The following GAS2 variants were observed in gnomAD, a reference collection of about 807,000 sequenced individuals.
GAS2 encodes growth arrest specific 2.
A neutral mutation model predicts 37.5 loss-of-function variants in GAS2; 20 were observed. That is an observed-to-expected ratio of 0.53 (90% CI 0.37 to 0.77). The LOEUF (loss-of-function observed/expected upper bound fraction) is 0.77. Ranked by LOEUF, GAS2 falls within the 30% of genes least tolerant of loss-of-function variation. GAS2 has a pLI of 0.00. For missense variants in GAS2, 336 were observed against 373.4 expected (o/e 0.90, Z 0.82); for synonymous variants, 144 against 132.2 (o/e 1.09, Z -0.61).
At position 22,695,312 on chromosome 11, in the gene GAS2, TC is replaced by T. The variant is rs560935823; in HGVS notation, c.267+9525del. Among the ~76,000 whole-genome samples the T allele has an allele frequency of 1.6e-3, 235 of 148,084 alleles. 1 individual carries two copies. Among genetic ancestry groups the T allele is most frequent in the African/African-American group, 5.8e-3 (231 of 39,706 alleles). ...TCCAGCCTGGGTGACAGAGTGAGAC[TC>T]CTTCTCAAAAAGAAAAAAAAAAGAC... On this transcript the variant is annotated intron_variant, in intron 3 of 7. Transcript: ENST00000454584.
At chr11:22,660,922 A>G (rs900767053) in intron 1 of GAS2, among the ~76,000 whole-genome samples, 13 of 152,248 alleles carry the variant, frequency 8.5e-5, no homozygotes, top group African/African-American at 2.9e-4. Context: ...AAATGCTTTA[A>G]TGAGATCATT....
chr11:22,801,048 T>G (rs1338835848), intron 7 of GAS2, among the ~76,000 whole-genome samples: 1 of 152,104 alleles, frequency 6.6e-6, no homozygotes, highest in East Asian at 1.9e-4. Context: ...ACCTTTTCAA[T>G]GAAAAGCGAG....
intron 1 of GAS2, among the ~76,000 whole-genome samples, chr11:22,635,591 C>T (rs1858811040): frequency 6.6e-6 from 1 of 152,230 alleles, no homozygotes; most frequent in South Asian, 2.1e-4. Context: ...GGCCTGCAGA[C>T]CTGGAGTGCC....
intron 3 of GAS2, among the ~76,000 whole-genome samples, chr11:22,696,775 C>A (rs1328708888): frequency 1.3e-5 from 2 of 151,938 alleles, no homozygotes; most frequent in African/African-American, 4.8e-5. Flanking sequence ...CCTTCACCCA[C>A]TTTTTGATGG....
At chr11:22,801,307 A>G (rs1856651095) in intron 7 of GAS2, among the ~76,000 whole-genome samples, 1 of 152,046 alleles carries the variant, frequency 6.6e-6, no homozygotes, top group Non-Finnish European at 1.5e-5. Flanking sequence ...CTGCTGACTG[A>G]TCATTTCTAC....
At chr11:22,766,096 T>TC (rs1179183098) in intron 7 of GAS2, among the ~76,000 whole-genome samples, 1 of 152,070 alleles carries the variant, frequency 6.6e-6, no homozygotes, top group Non-Finnish European at 1.5e-5. Flanking sequence ...TCCAAACACC[T>TC]CCCACCATGC....
At chr11:22,779,163 C>CA (rs1163406858) in intron 7 of GAS2, among the ~76,000 whole-genome samples, 2 of 151,620 alleles carry the variant, frequency 1.3e-5, no homozygotes, top group Non-Finnish European at 2.9e-5. Context: ...TCTCCACCCA[C>CA]AAAAAAATTC....
chr11:22,629,565 G>C (rs1858716613), intron 1 of GAS2, among the ~76,000 whole-genome samples: 1 of 152,154 alleles, frequency 6.6e-6, no homozygotes, highest in Admixed American at 6.5e-5. Context: ...TAGGGATGTT[G>C]AGTATTTTTT....
intron 3 of GAS2, among the ~76,000 whole-genome samples, chr11:22,712,058 CTT>C (rs1291499828): frequency 6.6e-6 from 1 of 152,172 alleles, no homozygotes; most frequent in East Asian, 1.9e-4. Flanking sequence ...CTTTCACTCT[CTT>C]TAAAGCACCA....
chr11:22,646,100 C>A (rs746027938), intron 1 of GAS2, among the ~76,000 whole-genome samples: 1 of 152,058 alleles, frequency 6.6e-6, no homozygotes, highest in Non-Finnish European at 1.5e-5. Context: ...GTCTCGGCCT[C>A]CTGAAGTGCT....
At chr11:22,680,062 G>C (rs902137524) in intron 2 of GAS2, among the ~76,000 whole-genome samples, 3 of 151,844 alleles carry the variant, frequency 2.0e-5, no homozygotes, top group Non-Finnish European at 4.4e-5. Flanking sequence ...TATTTATTAG[G>C]GTTGCTGCTG....
intron 7 of GAS2, among the ~76,000 whole-genome samples, chr11:22,788,805 A>G (rs1203862979): frequency 6.6e-6 from 1 of 152,124 alleles, no homozygotes; most frequent in Non-Finnish European, 1.5e-5. Flanking sequence ...ATAATTTACT[A>G]TCTCTATTAA....
intron 7 of GAS2, among the ~76,000 whole-genome samples, chr11:22,773,003 T>A (rs12283214): frequency 0.037 from 5,696 of 152,130 alleles, 341 homozygotes; most frequent in African/African-American, 0.13. Flanking sequence ...CTTTCTAGGG[T>A]CATCTCTCCT....
chr11:22,691,114 AG>A (rs908936601), intron 3 of GAS2, among the ~76,000 whole-genome samples: 2 of 150,614 alleles, frequency 1.3e-5, no homozygotes, highest in East Asian at 1.9e-4. Context: ...CAGATGAAGG[AG>A]GGGGCGGGGG....
chr11:22,626,860 T>C (rs993333803), intron 1 of GAS2: 11 of 152,256 alleles, frequency 7.2e-5, no homozygotes, highest in Non-Finnish European at 1.6e-4. Context: ...CTACACCTTT[T>C]AGAAAGTAAA....
At chr11:22,792,955 T>C (rs1856241544) in intron 7 of GAS2, among the ~76,000 whole-genome samples, 1 of 152,108 alleles carries the variant, frequency 6.6e-6, no homozygotes. Context: ...AAAGATGATA[T>C]GTATGGAAGA....
intron 7 of GAS2, among the ~76,000 whole-genome samples, chr11:22,804,604 G>T (rs1429096194): frequency 6.6e-6 from 1 of 152,094 alleles, no homozygotes; most frequent in Non-Finnish European, 1.5e-5. Flanking sequence ...TAAGGAGAAA[G>T]TATGAAAGTA....
At chr11:22,745,956 C>A (rs890060584) in intron 5 of GAS2, among the ~76,000 whole-genome samples, 1 of 151,988 alleles carries the variant, frequency 6.6e-6, no homozygotes, top group African/African-American at 2.4e-5. Context: ...GATCACTGGA[C>A]CCCAGTTTGA....
chr11:22,728,370 C>A (rs1022771415), intron 4 of GAS2, among the ~76,000 whole-genome samples: 1 of 151,756 alleles, frequency 6.6e-6, no homozygotes, highest in South Asian at 2.1e-4. Flanking sequence ...CTACATTTTA[C>A]CCTAAAATTA....
Sources: allele counts gnomAD v4.1 joint callset (sites outside exome capture counted in the v4.1 genomes callset), GRCh38; gene constraint gnomAD v4.1.1; transcripts MANE v1.5; gene names NCBI Gene and HGNC (gene_info 2026-07-23, HGNC 2026-07-21).